The following RNF13 variants were observed in gnomAD, a reference collection of about 807,000 sequenced individuals.
The protein encoded by RNF13 is ring finger protein 13.
A neutral mutation model predicts 37.7 loss-of-function variants in RNF13; 19 were observed. The ratio of observed to expected loss-of-function variants is 0.50; its 90% CI spans 0.35 to 0.74. RNF13 has a LOEUF of 0.74. RNF13 is among the 30% of genes least tolerant of loss of function. RNF13 has a pLI of 0.01. For synonymous variants in RNF13, 144 were observed against 157.8 expected (o/e 0.91, Z 0.65); for missense variants, 375 against 453.0 (o/e 0.83, Z 1.56).
intron 3 of RNF13, among the ~76,000 whole-genome samples, chr3:149,860,254 T>A (rs1241417509): frequency 3.6e-5 from 1 of 27,640 alleles, no homozygotes; most frequent in African/African-American, 1.7e-4. Flanking sequence ...AGAGACTCCA[T>A]CTAAAAAAAA....
intron 8 of RNF13, among the ~76,000 whole-genome samples, chr3:149,935,772 A>G (rs1261337093): frequency 6.6e-6 from 1 of 152,174 alleles, no homozygotes; most frequent in East Asian, 1.9e-4. Context: ...TGGTAGATTT[A>G]GTCTTCATAC....
intron 1 of RNF13, among the ~76,000 whole-genome samples, chr3:149,827,238 A>C (rs369919774): frequency 6.6e-6 from 1 of 152,292 alleles, no homozygotes; most frequent in East Asian, 1.9e-4. Context: ...TGTATTCAGT[A>C]TTATAACTAA....
chr3:149,886,239 T>G (rs1576822965), intron 4 of RNF13, among the ~76,000 whole-genome samples: 2 of 152,364 alleles, frequency 1.3e-5, no homozygotes, highest in African/African-American at 4.8e-5. Flanking sequence ...ATATAAATTT[T>G]ACAATTGTTT....
At chr3:149,960,262 G>T in intron 9 of RNF13, 126 bp downstream of exon 9, 1 of 657,190 alleles carries the variant, frequency 1.5e-6, no homozygotes, top group Non-Finnish European at 2.6e-6. Context: ...CTAATTAGTG[G>T]TCTCATTCAA....
chr3:149,889,901 T>G (rs930872560), intron 4 of RNF13, among the ~76,000 whole-genome samples: 1 of 152,050 alleles, frequency 6.6e-6, no homozygotes, highest in Non-Finnish European at 1.5e-5. Flanking sequence ...CTGGTCGAAC[T>G]CCTGACCTCG....
At chr3:149,899,603 G>C (rs1715616160) in intron 5 of RNF13, among the ~76,000 whole-genome samples, 1 of 152,240 alleles carries the variant, frequency 6.6e-6, no homozygotes, top group African/African-American at 2.4e-5. Context: ...CCAACAGAGA[G>C]AACATTTAGA....
intron 6 of RNF13, among the ~76,000 whole-genome samples, chr3:149,904,922 TAGAG>T (rs1197063919): frequency 6.6e-6 from 1 of 152,176 alleles, no homozygotes; most frequent in Non-Finnish European, 1.5e-5. Context: ...CTTGAGTAGA[TAGAG>T]ATATTCTTCA....
chr3:149,895,796 A>G (rs1314389393), intron 5 of RNF13, among the ~76,000 whole-genome samples: 2 of 152,134 alleles, frequency 1.3e-5, no homozygotes, highest in East Asian at 1.9e-4. Flanking sequence ...TTTGTTAAAA[A>G]CCAAAATGGG....
intron 3 of RNF13, among the ~76,000 whole-genome samples, chr3:149,871,784 T>C (rs1712089446): frequency 6.6e-6 from 1 of 152,196 alleles, no homozygotes; most frequent in South Asian, 2.1e-4. Context: ...GGCTTATGCC[T>C]GAGTTTGCTT....
intron 1 of RNF13, among the ~76,000 whole-genome samples, chr3:149,837,914 C>T (rs772357819): frequency 6.6e-6 from 1 of 152,176 alleles, no homozygotes; most frequent in Non-Finnish European, 1.5e-5. Context: ...TTCCTTCTGC[C>T]TATGTGCCTG....
At chr3:149,849,081 T>C (rs185340726) in intron 2 of RNF13, among the ~76,000 whole-genome samples, 13 of 152,332 alleles carry the variant, frequency 8.5e-5, no homozygotes, top group East Asian at 7.7e-4. Flanking sequence ...TTATCTCTTA[T>C]CATTTTTCTT....
rs1254777364 is a variant in RNF13, at chr3:149,895,543, G to A, written c.392G>A (p.Ser131Asn). The A allele has an allele frequency of 1.2e-6, 2 of 1,603,214 alleles. No individual in the cohort carries two copies. Among genetic ancestry groups the A allele is most frequent in the Non-Finnish European group, 8.5e-7 (1 of 1,172,370 alleles). The change falls in exon 5 of 10, where the codon AGC (serine) becomes AAC (asparagine). Residue 131 changes from serine (S) to asparagine (N), a missense_variant. Coordinates refer to ENST00000392894, the MANE Select transcript of RNF13 (RefSeq NM_183381.3). ...AATGTTGATTCTGATGACCTCATTA[G>A]CATGGGATCCAACGACAGTAAGTAC... ...VHNVDSDDLI[S>N]MGSNDIEVLK...
chr3:149,914,135 T>G (rs867779717), intron 7 of RNF13, among the ~76,000 whole-genome samples: 1 of 152,212 alleles, frequency 6.6e-6, no homozygotes, highest in Middle Eastern at 3.2e-3. Flanking sequence ...ATTGTTTAAC[T>G]TTGGCTCTTG....
intron 1 of RNF13, among the ~76,000 whole-genome samples, chr3:149,835,633 TTGTGTGTGTGTG>T (rs3039646): frequency 3.6e-5 from 5 of 138,838 alleles, no homozygotes; most frequent in South Asian, 2.4e-4. Context: ...TAGTATTCCA[TTGTGTGTGTGTG>T]TGTGTGTGTG....
At chr3:149,865,329 G>GATATATAT (rs3028509) in intron 3 of RNF13, among the ~76,000 whole-genome samples, 17,269 of 138,704 alleles carry the variant, frequency 0.12, 1,287 homozygotes, top group East Asian at 0.18. Flanking sequence ...ATGTTTTGGT[G>GATATATAT]ATATATATAT....
intron 4 of RNF13, among the ~76,000 whole-genome samples, chr3:149,893,101 T>A (rs1714885939): frequency 6.6e-6 from 1 of 152,212 alleles, no homozygotes; most frequent in South Asian, 2.1e-4. Context: ...ATAATGACTT[T>A]CTGATTGATC....
At chr3:149,923,816 G>C (rs566607574) in intron 8 of RNF13, among the ~76,000 whole-genome samples, 2 of 151,794 alleles carry the variant, frequency 1.3e-5, no homozygotes, top group African/African-American at 4.8e-5. Flanking sequence ...ACTGTCCTGG[G>C]TTTAAAGGGA....
chr3:149,874,206 A>G (rs1391167280), intron 4 of RNF13, among the ~76,000 whole-genome samples: 1 of 152,180 alleles, frequency 6.6e-6, no homozygotes, highest in Non-Finnish European at 1.5e-5. Flanking sequence ...TGGCCATTTA[A>G]GGCTAAAGAT....
chr3:149,833,294 A>G (rs1278062524), intron 1 of RNF13, among the ~76,000 whole-genome samples: 1 of 151,856 alleles, frequency 6.6e-6, no homozygotes, highest in Non-Finnish European at 1.5e-5. Context: ...TAATTTTTGT[A>G]TTTTTAGTAG....
Sources: allele counts gnomAD v4.1 joint callset (sites outside exome capture counted in the v4.1 genomes callset), GRCh38; gene constraint gnomAD v4.1.1; transcripts MANE v1.5; gene names NCBI Gene and HGNC (gene_info 2026-07-23, HGNC 2026-07-21).